Variants in RORA observed in about 807,000 individuals in gnomAD.
RORA encodes nuclear receptor ROR-alpha.
RORA carries 7 observed loss-of-function variants against 69.5 expected under a neutral mutation model. The ratio of observed to expected loss-of-function variants is 0.10; its 90% CI spans 0.06 to 0.19. The LOEUF is 0.19. RORA is among the 10% of genes least tolerant of loss of function. RORA has a pLI of 1.00. For synonymous variants in RORA, 261 were observed against 240.8 expected (o/e 1.08, Z -0.78); for missense variants, 457 against 663.0 (o/e 0.69, Z 3.41).
At chr15:60,573,649 C>T (rs141944204) in intron 2 of RORA, among the ~76,000 whole-genome samples, 76 of 152,324 alleles carry the variant, frequency 5.0e-4, no homozygotes, top group African/African-American at 1.7e-3. Flanking sequence ...CTGCAGTCCC[C>T]GACTTGCCTT....
chr15:60,770,214 C>T (rs1265920211), intron 1 of RORA, among the ~76,000 whole-genome samples: 1 of 151,056 alleles, frequency 6.6e-6, no homozygotes, highest in East Asian at 1.9e-4. Flanking sequence ...AAAAGATATT[C>T]CTTTTTTTTT....
chr15:61,200,513 G>A (rs528728916), intron 1 of RORA, among the ~76,000 whole-genome samples: 1 of 152,238 alleles, frequency 6.6e-6, no homozygotes, highest in South Asian at 2.1e-4. Context: ...CCAAAATAGA[G>A]GCCCTAAATA....
intron 1 of RORA, among the ~76,000 whole-genome samples, chr15:61,125,820 G>A (rs140141511): frequency 7.4e-4 from 112 of 152,096 alleles, no homozygotes; most frequent in African/African-American, 2.6e-3. Context: ...GAATAAAATC[G>A]GTTCCATTAG....
chr15:60,605,419 T>C (rs2068921848), intron 2 of RORA, among the ~76,000 whole-genome samples: 1 of 152,108 alleles, frequency 6.6e-6, no homozygotes, highest in African/African-American at 2.4e-5. Context: ...TTCAAGGCAA[T>C]AAAAACCAAT....
intron 1 of RORA, among the ~76,000 whole-genome samples, chr15:61,020,329 A>C (rs553493460): frequency 6.6e-6 from 1 of 152,234 alleles, no homozygotes; most frequent in East Asian, 1.9e-4. Flanking sequence ...CCCAGGATGA[A>C]AGCACTCTCT....
In RORA at chr15:60,925,866, G is replaced by A. The variant is rs1595820852; in HGVS notation, c.167-247180C>T. 2.0e-5 allele frequency among the ~76,000 whole-genome samples: 3 copies of A among 152,326 alleles called. No homozygotes were observed. The South Asian group carries it at 6.2e-4, about 32-fold the overall frequency. ...TGAAGTATCTGTTGAAGGAATGGGT[G>A]ATGAATAAATGGGTGGAAATTCTGT... On this transcript the variant is annotated intron_variant, in intron 1 of 10. Transcript: ENST00000335670.
At chr15:60,590,715 T>A (rs1391026988) in intron 2 of RORA, among the ~76,000 whole-genome samples, 1 of 151,906 alleles carries the variant, frequency 6.6e-6, no homozygotes, top group Non-Finnish European at 1.5e-5. Context: ...TGGGGGAGAA[T>A]AGATTTTTTA....
Position 61,101,464 on chromosome 15 carries a change from G to C in RORA, c.166+127589C>G, listed in dbSNP as rs186844381. Among the ~76,000 whole-genome samples the C allele has an allele frequency of 4.6e-5, 7 of 152,182 alleles. No homozygotes were observed. In the East Asian group the frequency reaches 1.4e-3, roughly 30 times the overall value. On this transcript the variant is annotated intron_variant, in intron 1 of 10. Transcript: ENST00000335670. ...AGATGTGCAAGGGCCCCGAGGTAGG[G>C]AAGAGCATGATACATTCACGAAACT...
chr15:60,597,551 C>CACACACACAACAT (rs1555435946), intron 2 of RORA, among the ~76,000 whole-genome samples: 1 of 25,130 alleles, frequency 4.0e-5, no homozygotes, highest in Non-Finnish European at 7.4e-5. Flanking sequence ...ACACACACAA[C>CACACACACAACAT]ATATATATAT....
intron 1 of RORA, among the ~76,000 whole-genome samples, chr15:60,942,503 A>T (rs1013871657): frequency 1.3e-5 from 2 of 152,246 alleles, no homozygotes; most frequent in Non-Finnish European, 2.9e-5. Flanking sequence ...GTGTATGCTT[A>T]GGTTTCTTGT....
At chr15:60,669,593 C>T (rs1004453792) in intron 2 of RORA, among the ~76,000 whole-genome samples, 28 of 152,132 alleles carry the variant, frequency 1.8e-4, no homozygotes, top group African/African-American at 6.5e-4. Context: ...AAAACCTGCT[C>T]TCTGTTCTTA....
At chr15:60,516,268 TA>T (rs1481691945) in intron 3 of RORA, among the ~76,000 whole-genome samples, 1 of 104,622 alleles carries the variant, frequency 9.6e-6, no homozygotes, top group Non-Finnish European at 1.8e-5. Context: ...TATATTTATA[TA>T]TTTTTTTTGG....
chr15:60,997,384 G>T (rs28454159), intron 1 of RORA, among the ~76,000 whole-genome samples: 1 of 152,032 alleles, frequency 6.6e-6, no homozygotes, highest in Non-Finnish European at 1.5e-5. Flanking sequence ...TGCCAAACAT[G>T]AATCTTCCGA....
chr15:60,643,306 A>C (rs541755908), intron 2 of RORA, among the ~76,000 whole-genome samples: 1 of 152,262 alleles, frequency 6.6e-6, no homozygotes, highest in East Asian at 1.9e-4. Flanking sequence ...TAAGTCTGCT[A>C]TTGCTAATGA....
At chr15:61,016,279 G>A (rs1895282839) in intron 1 of RORA, among the ~76,000 whole-genome samples, 2 of 152,272 alleles carry the variant, frequency 1.3e-5, no homozygotes, top group South Asian at 2.1e-4. Flanking sequence ...CATTGCACCT[G>A]GCATTCGAGA....
rs182217299 is a variant in RORA, at chr15:61,061,762, A to G, written c.166+167291T>C. Among the ~76,000 whole-genome samples the G allele has an allele frequency of 1.3e-5, 2 of 152,216 alleles. No homozygotes were observed. The highest frequency in any genetic ancestry group is 6.5e-5 in the Admixed American group (1 of 15,300). On this transcript the variant is annotated intron_variant, in intron 1 of 10. Transcript: ENST00000335670. The surrounding 1 kb of genome is among the most constrained non-coding windows in gnomAD (Gnocchi z 4.4). ...CATCACCACTTTGCATATAGGAAGC[A>G]CTCAATAAATGTTAGTAAGGCCGGG...
At chr15:61,053,465 G>A (rs1389906614) in intron 1 of RORA, among the ~76,000 whole-genome samples, 3 of 152,008 alleles carry the variant, frequency 2.0e-5, no homozygotes, top group Admixed American at 6.6e-5. Context: ...GAGAAGGCAC[G>A]GGGTTGTGAA....
At chr15:60,701,045 G>C (rs188513102) in intron 1 of RORA, among the ~76,000 whole-genome samples, 99 of 152,266 alleles carry the variant, frequency 6.5e-4, no homozygotes, top group African/African-American at 2.1e-3. Flanking sequence ...TCACCCAAAG[G>C]CGGCCTACTC....
intron 2 of RORA, among the ~76,000 whole-genome samples, chr15:60,571,513 G>T (rs1053717804): frequency 4.6e-5 from 7 of 152,176 alleles, no homozygotes; most frequent in Non-Finnish European, 7.3e-5. Context: ...AGAGGCCTAA[G>T]ACATCACTTA....
Sources: allele counts gnomAD v4.1 joint callset (sites outside exome capture counted in the v4.1 genomes callset), GRCh38; gene constraint gnomAD v4.1.1; non-coding constraint Gnocchi (gnomAD v3.1); transcripts MANE v1.5; gene names NCBI Gene and HGNC (gene_info 2026-07-23, HGNC 2026-07-21).